The following TMEM252 variants were observed in gnomAD, a reference collection of about 807,000 sequenced individuals.
The protein encoded by TMEM252 is transmembrane protein 252.
TMEM252 carries 4 observed loss-of-function variants against 6.4 expected under a neutral mutation model. The ratio of observed to expected loss-of-function variants is 0.62; its 90% CI spans 0.31 to 1.43. TMEM252 has a LOEUF of 1.43. Among genes scored for constraint, TMEM252 ranks in the 40% most tolerant of loss-of-function variants. The pLI is 0.07. For synonymous variants in TMEM252, 85 were observed against 82.5 expected, an observed-to-expected ratio of 1.03 and a Z score of -0.17; for missense variants, 207 against 209.4, an observed-to-expected ratio of 0.99 and a Z score of 0.07.
intron 1 of TMEM252, among the ~76,000 whole-genome samples, 170 bp downstream of exon 1, chr9:68,540,367 C>G (rs1303924250): frequency 6.6e-6 from 1 of 152,316 alleles, no homozygotes; most frequent in Middle Eastern, 3.4e-3. Context: ...GATGGCGCCA[C>G]TCTTCCTAAT....
At chr9:68,537,638 C>T (rs1587241178) in intron 1 of TMEM252, 145 bp from the exon 2 acceptor site, 2 of 647,808 alleles carry the variant, frequency 3.1e-6, no homozygotes, top group East Asian at 3.3e-5. Flanking sequence ...TTCTTCCTGG[C>T]ATCACCAGTT....
Position 68,537,501 on chromosome 9 carries a change from A to G in TMEM252, c.279-8T>C. 1 of 1,595,490 alleles carries G rather than the reference A, an allele frequency of 6.3e-7. No individual in the cohort carries two copies. Among genetic ancestry groups the G allele is most frequent in the Non-Finnish European group, 8.5e-7 (1 of 1,173,626 alleles). On this transcript the variant is annotated splice_polypyrimidine_tract_variant and splice_region_variant and intron_variant, in intron 1 of 1. Transcript: ENST00000377311. The stretch of plus-strand genomic sequence containing the variant: ...GGAGGGTAAAAGTCTGGCCTAGGGG[A>G]CAAAACAGCATAAACATGCGTGCGT...
In TMEM252 at chr9:68,540,735, A is replaced by G; in HGVS notation, c.80T>C (p.Phe27Ser). 6.2e-7 allele frequency: 1 copy of G among 1,614,140 alleles called. No homozygotes were observed. Among genetic ancestry groups the G allele is most frequent in the Non-Finnish European group, 8.5e-7 (1 of 1,180,012 alleles). The change falls in exon 1 of 2, where the codon TTC becomes TCC. Residue 27 changes from phenylalanine to serine, a missense_variant. Phe to Ser is a radical substitution (Grantham distance 155). Transcript: ENST00000377311. The part of the protein sequence containing the change: ...GFLMVCLGAF[F>S]ISWGSIFDCQ... ...GTCGAATATGGAGCCCCAGGAAATG[A>G]AGAAGGCCCCCAGGCAGACCATCAG...
rs774316383 is a variant in TMEM252 at position 68,537,277 on chromosome 9, C to A, written c.495G>T (p.Arg165Ser). 9.4e-6 allele frequency: 15 copies of A among 1,603,652 alleles called. No individual in the cohort carries two copies. The highest frequency in any genetic ancestry group is 1.3e-5 in the Non-Finnish European group (15 of 1,176,708). ...VVTAISEDAQ[R>S]RGQEC ...CTCTGCCTCAGCACTCTTGGCCTCG[C>A]CTCTGGGCGTCCTCTGAGATTGCTG... The change falls in exon 2 of 2, where the codon AGG becomes AGT. Residue 165 changes from arginine (R) to serine (S), a missense_variant. Coordinates refer to ENST00000377311, the MANE Select transcript of TMEM252 (RefSeq NM_153237.2).
intron 1 of TMEM252, among the ~76,000 whole-genome samples, chr9:68,540,027 C>T (rs1452544953): frequency 6.6e-6 from 1 of 152,094 alleles, no homozygotes; most frequent in Non-Finnish European, 1.5e-5. Flanking sequence ...ATCACCTTCC[C>T]CTGAAGGAAT....
At position 68,537,273 on chromosome 9, in the gene TMEM252, C is replaced by A. The variant is rs756389231; in HGVS notation, c.499G>T (p.Gly167Cys). 3 of 1,604,236 alleles carry A rather than the reference C, an allele frequency of 1.9e-6. No homozygotes were observed. Among genetic ancestry groups the A allele is most frequent in the East Asian group, 4.5e-5 (2 of 44,348 alleles). Residue 167 changes from glycine to cysteine, a missense_variant, in exon 2 of 2, where the codon GGC becomes TGC. Transcript: ENST00000377311. ...CTTTCTCTGCCTCAGCACTCTTGGC[C>A]TCGCCTCTGGGCGTCCTCTGAGATT... ...TAISEDAQRR[G>C]QEC is the part of the protein sequence containing the mutation.
chr9:68,540,400 G>C, intron 1 of TMEM252, 137 bp downstream of exon 1: 2 of 1,273,462 alleles, frequency 1.6e-6, no homozygotes, highest in South Asian at 3.0e-5. Flanking sequence ...GTAATTCCCT[G>C]ACAATAAAGC....
intron 1 of TMEM252, 91 bp downstream of exon 1, chr9:68,540,446 G>C: frequency 6.5e-7 from 1 of 1,545,320 alleles, no homozygotes; most frequent in Non-Finnish European, 8.8e-7. Flanking sequence ...GGACATGTAA[G>C]TCGCTCCATA....
chr9:68,537,216 C>T lies in TMEM252; in HGVS notation c.*43G>A. 1 of 1,548,360 alleles carries T rather than the reference C, an allele frequency of 6.5e-7. No individual in the cohort carries two copies. The highest frequency in any genetic ancestry group is 1.4e-5 in the African/African-American group (1 of 72,674). On this transcript the variant is annotated 3_prime_UTR_variant, in exon 2 of 2. Transcript: ENST00000377311. ...TTGCCTTTATTATCAGTAGCTGCTC[C>T]CCACAGTGGTGGCATCATGAGTGCT...
chr9:68,540,134 T>A (rs1825185785), intron 1 of TMEM252, among the ~76,000 whole-genome samples: 1 of 152,248 alleles, frequency 6.6e-6, no homozygotes, highest in South Asian at 2.1e-4. Flanking sequence ...TGCCTGCTTC[T>A]TCATTTGTTG....
rs2132127948 is a variant in TMEM252, at chr9:68,537,186, C to T, written c.*73G>A. 3 of 1,358,260 alleles carry T rather than the reference C, an allele frequency of 2.2e-6. No homozygotes were observed. Among genetic ancestry groups the T allele is most frequent in the African/African-American group, 1.5e-5 (1 of 67,802 alleles). 84.1% of individuals were successfully genotyped at this position (1,358,260 alleles called of 1,614,324 possible). A position where few individuals can be genotyped will look rare whatever the true frequency, so the allele number is the denominator to read the frequency against. Reference sequence around the variant, plus strand: ...GGTGTGGCTTTTCCTCCCACAGTCCCTCGTTTGCCTTTATTATCAGTAGCT... The same window carrying T: ...GGTGTGGCTTTTCCTCCCACAGTCCTTCGTTTGCCTTTATTATCAGTAGCT... On this transcript the variant is annotated 3_prime_UTR_variant, in exon 2 of 2. Coordinates refer to ENST00000377311, the MANE Select transcript of TMEM252 (RefSeq NM_153237.2).
chr9:68,538,553 C>T, intron 1 of TMEM252, among the ~76,000 whole-genome samples: 1 of 152,242 alleles, frequency 6.6e-6, no homozygotes, highest in Admixed American at 6.5e-5. Flanking sequence ...AGGATGACTG[C>T]TGCCTGCCCC....
At chr9:68,539,663 C>T (rs151097113) in intron 1 of TMEM252, among the ~76,000 whole-genome samples, 10 of 152,344 alleles carry the variant, frequency 6.6e-5, no homozygotes, top group Non-Finnish European at 1.3e-4. Context: ...CATGTATATA[C>T]CACATTTTGT....
Position 68,536,918 on chromosome 9 carries a change from G to A in TMEM252, c.*341C>T, listed in dbSNP as rs1267324507. On this transcript the variant is annotated 3_prime_UTR_variant, in exon 2 of 2. Coordinates refer to ENST00000377311, the MANE Select transcript of TMEM252 (RefSeq NM_153237.2). The stretch of plus-strand genomic sequence containing the variant: ...CAGCATCTATTCCTCCCTGGCTGGA[G>A]TTGAGGTGATGGGAGGGAAATTGAG... 8.2e-6 allele frequency: 2 copies of A among 244,412 alleles called. No individual in the cohort carries two copies. The highest frequency in any genetic ancestry group is 2.3e-5 in the African/African-American group (1 of 43,254). The allele number at this position is 244,412 out of a possible 1,614,324, so 15.1% of individuals were successfully genotyped here. A position where few individuals can be genotyped will look rare whatever the true frequency, so the allele number is the denominator to read the frequency against.
chr9:68,537,433 A>G lies in TMEM252; in HGVS notation c.339T>C (p.Pro113=). 6.2e-7 allele frequency: 1 copy of G among 1,605,042 alleles called. No homozygotes were observed. The highest frequency in any genetic ancestry group is 1.1e-5 in the South Asian group (1 of 89,198). ...GAATGCCAGAGGCCTCTCTCTCTGC[A>G]GGACAGCTCTGCTTTTCCACCTCAA... ...ESLEVEKQSC[P]AEREASGIPP... Residue 113 remains proline, a synonymous_variant, in exon 2 of 2, where the codon CCT becomes CCC. Transcript: ENST00000377311.
At chr9:68,540,261 G>T (rs1391762083) in intron 1 of TMEM252, among the ~76,000 whole-genome samples, 1 of 152,180 alleles carries the variant, frequency 6.6e-6, no homozygotes, top group Admixed American at 6.5e-5. Flanking sequence ...TAACAAAAGA[G>T]CCTGGGTTTC....
chr9:68,536,709 T>C lies in TMEM252; in HGVS notation c.*550A>G, dbSNP rs1825144241. On this transcript the variant is annotated 3_prime_UTR_variant, in exon 2 of 2. Transcript: ENST00000377311. ...AATAATACAAAATAACATTCATGGG[T>C]TCCGAGGGCATATCTCCCAGGATGT... is the stretch of plus-strand genomic sequence containing the variant. 1 of 152,312 alleles carries C rather than the reference T, an allele frequency of 6.6e-6. No homozygotes were observed. The highest frequency in any genetic ancestry group is 6.5e-5 in the Admixed American group (1 of 15,288). The allele number at this position is 152,312 out of a possible 1,614,324, so 9.4% of individuals were successfully genotyped here.
chr9:68,540,793 T>C lies in TMEM252; in HGVS notation c.22A>G (p.Ile8Val). The C allele has an allele frequency of 6.2e-7, 1 of 1,614,018 alleles. No individual in the cohort carries two copies. The highest frequency in any genetic ancestry group is 1.1e-5 in the South Asian group (1 of 91,084). MQNRTGL[I>V]LCALALLMGF... ...ATCAGGAGGGCAAGAGCACAGAGAA[T>C]GAGGCCAGTTCTGTTCTGCATCCTT... is the stretch of plus-strand genomic sequence containing the variant. The change falls in exon 1 of 2, where the codon ATT becomes GTT. Residue 8 changes from isoleucine (I) to valine (V), a missense_variant. Physicochemically the swap from Ile to Val is conservative, Grantham distance 29 (BLOSUM62 3). Transcript: ENST00000377311.
Position 68,540,776 on chromosome 9 carries a change from G to T in TMEM252, c.39C>A (p.Ala13=), listed in dbSNP as rs764827606. Residue 13 remains alanine (A), a synonymous_variant, in exon 1 of 2, where the codon GCC becomes GCA. Transcript: ENST00000377311. The part of the protein sequence containing the change: ...NRTGLILCAL[A]LLMGFLMVCL... ...AGACCATCAGGAAACCCATCAGGAG[G>T]GCAAGAGCACAGAGAATGAGGCCAG... is the stretch of plus-strand genomic sequence containing the variant. 6.2e-7 allele frequency: 1 copy of T among 1,614,058 alleles called. No individual in the cohort carries two copies. The highest frequency in any genetic ancestry group is 8.5e-7 in the Non-Finnish European group (1 of 1,180,016).
Sources: allele counts gnomAD v4.1 joint callset (sites outside exome capture counted in the v4.1 genomes callset), GRCh38; gene constraint gnomAD v4.1.1; transcripts MANE v1.5; gene names NCBI Gene and HGNC (gene_info 2026-07-23, HGNC 2026-07-21).